Variants in LY96 observed in about 807,000 individuals in gnomAD.
LY96 encodes the protein myeloid differentiation protein-2.
A neutral mutation model predicts 18.9 loss-of-function variants in LY96; 18 were observed. The ratio of observed to expected loss-of-function variants is 0.95; its 90% CI spans 0.66 to 1.41. The LOEUF (loss-of-function observed/expected upper bound fraction) is 1.41. Among genes scored for constraint, LY96 ranks in the 40% most tolerant of loss-of-function variants. The probability of loss-of-function intolerance (pLI) is 0.00; values close to 1 mark genes in which losing one functional copy is unlikely to be tolerated. For synonymous variants in LY96, 66 were observed against 62.6 expected, an observed-to-expected ratio of 1.06 and a Z score of -0.26; for missense variants, 175 against 182.4, an observed-to-expected ratio of 0.96 and a Z score of 0.23.
At chr8:74,071,868 C>A in the LY96 span, among the ~76,000 whole-genome samples, 13 of 152,116 alleles carry the variant, frequency 8.5e-5, no homozygotes, top group Admixed American at 2.0e-4. Context: ...TCTGCAATAT[C>A]GTGTTGCATT....
At chr8:74,032,202 T>A (rs952026458), downstream of LY96, among the ~76,000 whole-genome samples, 1 of 152,186 alleles carries the variant, frequency 6.6e-6, no homozygotes, top group Non-Finnish European at 1.5e-5. Context: ...GGGGATTGTG[T>A]AAATGAATTG....
the LY96 span, among the ~76,000 whole-genome samples, chr8:74,080,404 A>G: frequency 2.6e-5 from 4 of 152,202 alleles, no homozygotes; most frequent in Non-Finnish European, 4.4e-5. Flanking sequence ...AAGTGCTTTC[A>G]GATGGTTTTG....
chr8:74,020,579 C>T (rs560070947), intron 3 of LY96, among the ~76,000 whole-genome samples: 88 of 152,264 alleles, frequency 5.8e-4, no homozygotes, highest in African/African-American at 1.8e-3. Flanking sequence ...CTTTAAAGTT[C>T]ATCTGGAACC....
chr8:74,002,734 G>C (rs945289625), intron 1 of LY96, among the ~76,000 whole-genome samples: 1 of 139,524 alleles, frequency 7.2e-6, no homozygotes, highest in African/African-American at 2.6e-5. Context: ...ACCACGCCCA[G>C]CTAATTTTTG....
At chr8:74,053,776 T>C in the LY96 span, among the ~76,000 whole-genome samples, 14 of 152,328 alleles carry the variant, frequency 9.2e-5, no homozygotes, top group East Asian at 1.7e-3. Flanking sequence ...CATAGTTTGA[T>C]TGGAGGTAAG....
chr8:74,097,365 T>C, the LY96 span, among the ~76,000 whole-genome samples: 1 of 152,200 alleles, frequency 6.6e-6, no homozygotes, highest in African/African-American at 2.4e-5. Flanking sequence ...CAACAGTACC[T>C]GTATCTGTAA....
intron 1 of LY96, among the ~76,000 whole-genome samples, chr8:73,997,348 C>G (rs1210441787): frequency 1.3e-5 from 2 of 152,212 alleles, no homozygotes; most frequent in East Asian, 3.9e-4. Context: ...ACTCATGCCA[C>G]ATTTGTCTCT....
At chr8:74,070,228 A>G in the LY96 span, among the ~76,000 whole-genome samples, 1 of 152,070 alleles carries the variant, frequency 6.6e-6, no homozygotes, top group Admixed American at 6.5e-5. Flanking sequence ...AGTAGCTGGG[A>G]CTACAGGCGC....
intron 3 of LY96, among the ~76,000 whole-genome samples, chr8:74,015,353 G>A (rs2131273358): frequency 6.6e-6 from 1 of 152,252 alleles, no homozygotes; most frequent in South Asian, 2.1e-4. Context: ...AAGATAACGA[G>A]GCCATGCTCC....
At chr8:74,075,805 C>T in the LY96 span, among the ~76,000 whole-genome samples, 2 of 152,000 alleles carry the variant, frequency 1.3e-5, no homozygotes, top group Admixed American at 1.3e-4. Flanking sequence ...TAAAGTCAGT[C>T]CTAGTTTCTT....
chr8:74,041,352 T>C, the LY96 span, among the ~76,000 whole-genome samples: 4 of 152,166 alleles, frequency 2.6e-5, no homozygotes, highest in Non-Finnish European at 4.4e-5. Flanking sequence ...TTGTAAAACA[T>C]GTGTGTTTGA....
chr8:74,006,996 T>G (rs1816425594), intron 2 of LY96, among the ~76,000 whole-genome samples: 1 of 152,146 alleles, frequency 6.6e-6, no homozygotes, highest in Non-Finnish European at 1.5e-5. Context: ...AAATTCAGAT[T>G]GGGGTGCAGG....
chr8:74,029,451 T>A (rs1326533861), downstream of LY96, among the ~76,000 whole-genome samples: 1 of 152,170 alleles, frequency 6.6e-6, no homozygotes, highest in Admixed American at 6.5e-5. Context: ...TGGGGATGGT[T>A]ACCTCCATGC....
the LY96 span, among the ~76,000 whole-genome samples, chr8:74,065,055 C>G: frequency 6.6e-6 from 1 of 152,140 alleles, no homozygotes; most frequent in African/African-American, 2.4e-5. Context: ...ACTGAATTTC[C>G]AACTGTGATG....
At chr8:74,067,044 A>G in the LY96 span, among the ~76,000 whole-genome samples, 3 of 152,208 alleles carry the variant, frequency 2.0e-5, no homozygotes, top group Admixed American at 2.0e-4. Flanking sequence ...GCATCCGGCT[A>G]GCCGTCCTTG....
At chr8:74,094,603 G>C in the LY96 span, among the ~76,000 whole-genome samples, 2 of 152,294 alleles carry the variant, frequency 1.3e-5, no homozygotes, top group South Asian at 2.1e-4. Flanking sequence ...GATGAGGTTT[G>C]ATTGCAAATG....
In LY96 at chr8:74,028,243, T is replaced by C. The variant is rs1816909338; in HGVS notation, c.385-713T>C. Among the ~76,000 whole-genome samples, 4 of 152,204 alleles carry C rather than the reference T, an allele frequency of 2.6e-5. No homozygotes were observed. In the South Asian group the frequency reaches 8.3e-4, roughly 31 times the overall value. ...TGAGCCACCACACCCAGCCTTAGTA[T>C]TAGGTCTTTTGGTATTTTTTCTTTC... is the stretch of plus-strand genomic sequence containing the variant. On this transcript the variant is annotated intron_variant, in intron 4 of 4. Transcript: ENST00000284818.
chr8:73,997,645 C>T (rs1816178651), intron 1 of LY96, among the ~76,000 whole-genome samples: 1 of 152,170 alleles, frequency 6.6e-6, no homozygotes, highest in Non-Finnish European at 1.5e-5. Context: ...TTTCCTCCCA[C>T]ATCAGATGCC....
intron 3 of LY96, among the ~76,000 whole-genome samples, chr8:74,021,206 A>G (rs1563718945): frequency 6.6e-6 from 1 of 152,236 alleles, no homozygotes; most frequent in Non-Finnish European, 1.5e-5. Context: ...TCTACAAAGA[A>G]CTTAAACAAA....
Sources: gnomAD v4.1 joint callset for allele counts (sites outside exome capture counted in the v4.1 genomes callset) on GRCh38, gnomAD v4.1.1 for gene constraint, MANE v1.5 for transcripts, NCBI Gene and HGNC (gene_info 2026-07-23, HGNC 2026-07-21) for gene names.